Variants in SLC49A3 observed in about 807,000 individuals in gnomAD.
The protein encoded by SLC49A3 is solute carrier family 49 member 3, also known as solute carrier family 49 member A3.
Under a neutral mutation model 43.8 loss-of-function variants are expected in SLC49A3, and 50 were observed. The observed-to-expected ratio is 1.14, with a 90% CI of 0.91 to 1.45. The LOEUF is 1.45. SLC49A3 is among the 40% of genes most tolerant of loss of function. The pLI, the probability that SLC49A3 is intolerant of heterozygous loss-of-function variation, is 0.00. For synonymous variants in SLC49A3, 413 were observed against 352.0 expected, an observed-to-expected ratio of 1.17 and a Z score of -1.94; for missense variants, 906 against 774.1, an observed-to-expected ratio of 1.17 and a Z score of -2.02.
At chr4:680,150 A>C, downstream of SLC49A3, 1 of 925,624 alleles carries the variant, frequency 1.1e-6, no homozygotes, top group Non-Finnish European at 1.6e-6. Context: ...GGGAGCCAAC[A>C]ACTGTGGGGC....
downstream of SLC49A3, chr4:678,107 G>A (rs74282734): frequency 2.2e-5 from 31 of 1,417,450 alleles, 1 homozygote; most frequent in South Asian, 1.2e-4. Flanking sequence ...GCGCACAGAC[G>A]AGCGTGGGCG....
downstream of SLC49A3, chr4:681,161 G>T (rs372694129): frequency 1.4e-5 from 23 of 1,598,678 alleles, no homozygotes; most frequent in Non-Finnish European, 1.9e-5. Context: ...CGGCTTCCCT[G>T]CCAAGCCCAC....
At chr4:681,119 T>C, downstream of SLC49A3, 1 of 1,607,102 alleles carries the variant, frequency 6.2e-7, no homozygotes. Flanking sequence ...TGTCCCAGGC[T>C]GACAAGATGA....
chr4:679,170 C>A, downstream of SLC49A3: 2 of 869,416 alleles, frequency 2.3e-6, no homozygotes, highest in Non-Finnish European at 3.8e-6. Flanking sequence ...CCTGAAGCTG[C>A]AAGGTGATGG....
downstream of SLC49A3, among the ~76,000 whole-genome samples, chr4:681,484 T>G (rs1436566189): frequency 1.0e-5 from 1 of 97,962 alleles, no homozygotes. Flanking sequence ...GCGAGACTAA[T>G]GCCGGGCCAC....
At chr4:681,671 TCCAGCGCCGCCCCGCCCCCTCCAGCGC>T (rs1739622470), downstream of SLC49A3, among the ~76,000 whole-genome samples, 1 of 3,220 alleles carries the variant, frequency 3.1e-4, no homozygotes, top group Non-Finnish European at 5.7e-4. Context: ...CCCCGCCCCC[TCCAGCGCCGCCCCGCCCCCTCCAGCGC>T]CGCCCCGCCC....
rs1463885897 is a variant in SLC49A3, at chr4:684,558, C to A, written c.765G>T (p.Leu255Phe). ...TGGCAGAGATCCCGATCATTCCCCC[C>A]AAGCACACAGCCAGGATGACATAGG... ...NKAYVILAVC[L>F]GGMIGISASF... The change falls in exon 6 of 10, where the codon TTG becomes TTT. Residue 255 changes from leucine (L) to phenylalanine (F), a missense_variant. Transcript: ENST00000322224. 6.2e-7 allele frequency: 1 copy of A among 1,613,136 alleles called. No homozygotes were observed. The highest frequency in any genetic ancestry group is 8.5e-7 in the Non-Finnish European group (1 of 1,179,974).
At chr4:690,802 A>G (rs561189381), upstream of SLC49A3, among the ~76,000 whole-genome samples, 1 of 152,326 alleles carries the variant, frequency 6.6e-6, no homozygotes, top group African/African-American at 2.4e-5. Context: ...ACATGTCGGA[A>G]CTCTTGGGTT....
chr4:679,726 C>T (rs1021359860), downstream of SLC49A3, among the ~76,000 whole-genome samples: 8 of 152,190 alleles, frequency 5.3e-5, no homozygotes, highest in African/African-American at 1.4e-4. Flanking sequence ...CTGGGGCTCA[C>T]GGTTTGGGGT....
downstream of SLC49A3, chr4:678,800 C>A: frequency 1.2e-6 from 2 of 1,608,158 alleles, no homozygotes; most frequent in South Asian, 1.1e-5. Context: ...AGCCCCCACC[C>A]CCAGGAGCCT....
downstream of SLC49A3, chr4:680,956 CA>C: frequency 4.0e-6 from 4 of 1,011,150 alleles, no homozygotes; most frequent in East Asian, 1.0e-4. Flanking sequence ...GGACCTGCCC[CA>C]GGGCCACACT....
At chr4:680,027 C>T (rs372492569), downstream of SLC49A3, 78 of 1,605,210 alleles carry the variant, frequency 4.9e-5, no homozygotes, top group Non-Finnish European at 6.0e-5. Context: ...CGGTGAGCAC[C>T]GGTGGGGCAG....
upstream of SLC49A3, chr4:689,199 G>C: frequency 7.9e-6 from 9 of 1,134,726 alleles, no homozygotes; most frequent in Non-Finnish European, 1.0e-5. Flanking sequence ...CGCGTGGGCC[G>C]GGACCGCCTG....
downstream of SLC49A3, among the ~76,000 whole-genome samples, chr4:679,639 A>G (rs1739241587): frequency 6.6e-6 from 1 of 152,124 alleles, no homozygotes; most frequent in South Asian, 2.1e-4. Flanking sequence ...GGCCCTGCTT[A>G]TGCCCAGAAT....
chr4:680,089 T>TA, downstream of SLC49A3: 5 of 1,345,850 alleles, frequency 3.7e-6, no homozygotes, highest in Non-Finnish European at 5.1e-6. Flanking sequence ...ACATTTCACG[T>TA]AAAAATCTCT....
rs539215748 is a variant in SLC49A3, at chr4:685,426, G to A, written c.585+409C>T. On this transcript the variant is annotated intron_variant, in intron 4 of 9. Coordinates refer to ENST00000322224, the MANE Select transcript of SLC49A3 (RefSeq NM_032219.4). This position sits in a 1 kb window ranked among gnomAD's most constrained non-coding sequence, Gnocchi z 4.3. ...TAGAAACATCACACACTGGCCGGGC[G>A]CGGTGGCTCACGCCTGTCATCCTAG... Among the ~76,000 whole-genome samples, 6 of 151,942 alleles carry A rather than the reference G, an allele frequency of 3.9e-5. No individual in the cohort carries two copies. The highest frequency in any genetic ancestry group is 2.1e-4 in the South Asian group (1 of 4,810).
chr4:691,594 CA>C (rs71166827), upstream of SLC49A3, among the ~76,000 whole-genome samples: 3 of 126,298 alleles, frequency 2.4e-5, no homozygotes, highest in African/African-American at 5.9e-5. Flanking sequence ...GACTCTGTCA[CA>C]AAAAAAAAAC....
chr4:678,768 G>A, downstream of SLC49A3: 3 of 1,609,442 alleles, frequency 1.9e-6, no homozygotes, highest in East Asian at 2.2e-5. Context: ...TCAAGGAGGT[G>A]AGACTTTCCT....
intron 9 of SLC49A3, 140 bp from the exon 10 acceptor site, chr4:682,516 C>T (rs948921332): frequency 3.0e-5 from 29 of 966,480 alleles, no homozygotes; most frequent in African/African-American, 5.1e-5. Context: ...CAGCTCTTGA[C>T]AGCCCTGAGG....
Sources: gnomAD v4.1 joint callset for allele counts (sites outside exome capture counted in the v4.1 genomes callset) on GRCh38, gnomAD v4.1.1 for gene constraint, Gnocchi (gnomAD v3.1) non-coding constraint, MANE v1.5 for transcripts, NCBI Gene and HGNC (gene_info 2026-07-23, HGNC 2026-07-21) for gene names.